SPIN1: variants seen among roughly 807,000 people sequenced by gnomAD.
SPIN1 encodes the protein spindlin-1.
SPIN1 carries 3 observed loss-of-function variants against 26.0 expected under a neutral mutation model. The observed-to-expected ratio is 0.12, with a 90% CI of 0.05 to 0.30. SPIN1 has a LOEUF of 0.30. SPIN1 is among the 10% of genes least tolerant of loss of function. SPIN1 has a pLI of 1.00. For missense variants in SPIN1, 126 were observed against 333.4 expected (o/e 0.38, Z 4.84); for synonymous variants, 101 against 116.5 (o/e 0.87, Z 0.86).
intron 1 of SPIN1, among the ~76,000 whole-genome samples, chr9:88,421,056 T>A (rs1827658150): frequency 6.6e-6 from 1 of 152,160 alleles, no homozygotes; most frequent in Non-Finnish European, 1.5e-5. Flanking sequence ...ATTATTGTAA[T>A]TTTGTCTTTT....
At chr9:88,404,927 A>C (rs1196966512) in intron 1 of SPIN1, among the ~76,000 whole-genome samples, 5 of 97,562 alleles carry the variant, frequency 5.1e-5, no homozygotes, top group East Asian at 2.4e-4. Flanking sequence ...AAAAAAAAAA[A>C]AACAAAAAAA....
intron 1 of SPIN1, among the ~76,000 whole-genome samples, chr9:88,411,967 C>G (rs992502228): frequency 1.3e-5 from 2 of 150,740 alleles, no homozygotes; most frequent in African/African-American, 2.4e-5. Context: ...GTCAGGAGAT[C>G]GAGACCATCC....
At position 88,411,389 on chromosome 9, in the gene SPIN1, G is replaced by T. The variant is rs554130646; in HGVS notation, c.-158-14993G>T. The T allele has an allele frequency of 9.1e-4, 1,448 of 1,594,934 alleles. 8 individuals carry two copies. In the Middle Eastern group the frequency reaches 0.012, roughly 13 times the overall value. ...ATGGCTCCTCAGGCTCTCATCGGTTGTTTCAAAGCTCAACCCTCCAATGAA... is the reference window on the plus strand; with the variant it reads ...ATGGCTCCTCAGGCTCTCATCGGTTTTTTCAAAGCTCAACCCTCCAATGAA... On this transcript the variant is annotated intron_variant, in intron 1 of 5. Coordinates refer to ENST00000375859, the MANE Select transcript of SPIN1 (RefSeq NM_006717.3).
chr9:88,402,212 G>A (rs1244946688), intron 1 of SPIN1, among the ~76,000 whole-genome samples: 5 of 151,956 alleles, frequency 3.3e-5, no homozygotes, highest in Non-Finnish European at 7.4e-5. Flanking sequence ...ATTCTGGTCT[G>A]GGTCCCCTGA....
intron 3 of SPIN1, among the ~76,000 whole-genome samples, chr9:88,461,134 T>C (rs1462101027): frequency 1.3e-5 from 2 of 152,234 alleles, no homozygotes; most frequent in African/African-American, 4.8e-5. Context: ...CTGTCATACT[T>C]TCTGAGACCT....
chr9:88,418,107 T>A (rs1220610558), intron 1 of SPIN1, among the ~76,000 whole-genome samples: 1 of 152,182 alleles, frequency 6.6e-6, no homozygotes, highest in Non-Finnish European at 1.5e-5. Flanking sequence ...CATGATTGAT[T>A]ATGTCGTTGC....
intron 1 of SPIN1, among the ~76,000 whole-genome samples, chr9:88,415,303 A>C (rs1827537730): frequency 6.6e-6 from 1 of 152,198 alleles, no homozygotes; most frequent in Non-Finnish European, 1.5e-5. Context: ...TAAGTAGCTG[A>C]ACATTGTGTA....
intron 4 of SPIN1, among the ~76,000 whole-genome samples, chr9:88,464,669 T>C (rs1252206805): frequency 1.3e-4 from 20 of 152,210 alleles, no homozygotes; most frequent in Admixed American, 1.3e-3. Context: ...GAACACAATA[T>C]TTTCTTTATG....
intron 1 of SPIN1, among the ~76,000 whole-genome samples, chr9:88,394,013 A>C (rs1334862454): frequency 6.6e-6 from 1 of 151,634 alleles, no homozygotes; most frequent in Non-Finnish European, 1.5e-5. Context: ...ATGCCTGGCA[A>C]ATTTTTTGTA....
chr9:88,404,392 C>T (rs1436536794), intron 1 of SPIN1, among the ~76,000 whole-genome samples: 1 of 152,132 alleles, frequency 6.6e-6, no homozygotes, highest in East Asian at 1.9e-4. Flanking sequence ...TTGGCTGCTA[C>T]AGTCAGACAG....
intron 1 of SPIN1, among the ~76,000 whole-genome samples, chr9:88,394,579 T>C (rs1406373580): frequency 6.6e-6 from 1 of 152,198 alleles, no homozygotes; most frequent in East Asian, 1.9e-4. Flanking sequence ...TTGCATTATC[T>C]TACAGTATAA....
At chr9:88,460,357 T>G (rs748929473) in intron 3 of SPIN1, among the ~76,000 whole-genome samples, 1 of 152,218 alleles carries the variant, frequency 6.6e-6, no homozygotes, top group Non-Finnish European at 1.5e-5. Flanking sequence ...TTATTGATTC[T>G]TTACTTTGTT....
intron 4 of SPIN1, among the ~76,000 whole-genome samples, chr9:88,467,706 A>G (rs1828698088): frequency 6.6e-6 from 1 of 152,182 alleles, no homozygotes. Context: ...AACATTTTAG[A>G]TCACACAATG....
At chr9:88,458,816 C>A (rs1358671557) in intron 3 of SPIN1, among the ~76,000 whole-genome samples, 1 of 152,140 alleles carries the variant, frequency 6.6e-6, no homozygotes, top group Admixed American at 6.5e-5. Flanking sequence ...GCAGCACAAA[C>A]AGCCAGTCTG....
intron 2 of SPIN1, among the ~76,000 whole-genome samples, chr9:88,433,902 T>G (rs1242604417): frequency 6.9e-6 from 1 of 144,992 alleles, no homozygotes; most frequent in Non-Finnish European, 1.5e-5. Context: ...CAGTTTTTTG[T>G]TTTTTTTTTT....
intron 4 of SPIN1, among the ~76,000 whole-genome samples, chr9:88,465,870 C>T (rs183605426): frequency 2.0e-5 from 3 of 152,100 alleles, no homozygotes; most frequent in Admixed American, 1.3e-4. Context: ...GGATTTTATA[C>T]CTGAACTGAA....
chr9:88,417,715 C>A (rs750259687), intron 1 of SPIN1, among the ~76,000 whole-genome samples: 1 of 152,042 alleles, frequency 6.6e-6, no homozygotes, highest in Admixed American at 6.6e-5. Context: ...TCAAGTGATC[C>A]GCTGGCTTTG....
chr9:88,462,510 G>A lies in SPIN1; in HGVS notation c.116G>A (p.Ser39Asn), dbSNP rs750649140. The change falls in exon 4 of 6, where the codon AGT (serine) becomes AAT (asparagine). Residue 39 changes from serine to asparagine, a missense_variant. Physicochemically the swap from Ser to Asn is conservative, Grantham distance 46. This residue lies in a region of SPIN1 where 63 missense variants were observed against 101.3 expected (regional missense o/e 0.62). Coordinates refer to ENST00000375859, the MANE Select transcript of SPIN1 (RefSeq NM_006717.3). Reference sequence around the variant, plus strand: ...TGTGAATACAGAAAACATCGGAGCAGTGTGGGTCCGAGCAAACCTGTTTCC... The same window carrying A: ...TGTGAATACAGAAAACATCGGAGCAATGTGGGTCCGAGCAAACCTGTTTCC... The part of the protein sequence containing the change: ...KRTSHKKHRS[S>N]VGPSKPVSQP... 5.6e-6 allele frequency: 9 copies of A among 1,614,016 alleles called. No individual in the cohort carries two copies. Among genetic ancestry groups the A allele is most frequent in the Non-Finnish European group, 6.8e-6 (8 of 1,179,996 alleles).
chr9:88,447,813 C>G (rs1032008280), intron 2 of SPIN1, among the ~76,000 whole-genome samples: 1 of 152,126 alleles, frequency 6.6e-6, no homozygotes, highest in Non-Finnish European at 1.5e-5. Context: ...CTTGGTTCCC[C>G]CTTCATACAC....
Sources: allele counts gnomAD v4.1 joint callset (sites outside exome capture counted in the v4.1 genomes callset), GRCh38; gene constraint gnomAD v4.1.1; regional missense constraint gnomAD v4.1.1; transcripts MANE v1.5; gene names NCBI Gene and HGNC (gene_info 2026-07-23, HGNC 2026-07-21).